Variants in ADARB2 observed in about 807,000 individuals in gnomAD.
ADARB2 encodes the protein adenosine deaminase RNA specific B2 (inactive).
In ADARB2, 25 loss-of-function variants were observed where a neutral mutation model predicts 62.2. That is an observed-to-expected ratio of 0.40 (90% CI 0.29 to 0.56). The LOEUF (loss-of-function observed/expected upper bound fraction) is 0.56. ADARB2 is among the 20% of genes least tolerant of loss of function. ADARB2 has a pLI of 0.43. For synonymous variants in ADARB2, 572 were observed against 500.8 expected (o/e 1.14, Z -1.90); for missense variants, 1,071 against 1,077.4 (o/e 0.99, Z 0.08).
chr10:1,715,385 G>A, intron 1 of ADARB2, among the ~76,000 whole-genome samples: 1 of 152,080 alleles, frequency 6.6e-6, no homozygotes, highest in East Asian at 1.9e-4. Context: ...TGAAATAAAA[G>A]TCACTAAGTG....
intron 1 of ADARB2, among the ~76,000 whole-genome samples, chr10:1,523,348 A>T (rs1343267961): frequency 6.6e-6 from 1 of 152,148 alleles, no homozygotes; most frequent in Non-Finnish European, 1.5e-5. Flanking sequence ...TCTCCACCCC[A>T]CTGTGTTACA....
At chr10:1,583,872 G>C (rs1043641017) in intron 1 of ADARB2, among the ~76,000 whole-genome samples, 1 of 152,184 alleles carries the variant, frequency 6.6e-6, no homozygotes. Context: ...CACAAATACA[G>C]GGTTAGGGTT....
chr10:1,300,752 C>T (rs1328097903), intron 3 of ADARB2, among the ~76,000 whole-genome samples: 1 of 152,228 alleles, frequency 6.6e-6, no homozygotes, highest in Non-Finnish European at 1.5e-5. Context: ...CTGCCATGCA[C>T]TGTCTGGCTG....
chr10:1,267,224 G>A (rs1831213644), intron 4 of ADARB2, among the ~76,000 whole-genome samples: 1 of 151,980 alleles, frequency 6.6e-6, no homozygotes, highest in African/African-American at 2.4e-5. Flanking sequence ...AGAAATATTG[G>A]ATAAAAGATA....
chr10:1,694,333 A>G (rs1054594323), intron 1 of ADARB2, among the ~76,000 whole-genome samples: 2 of 152,262 alleles, frequency 1.3e-5, no homozygotes, highest in Non-Finnish European at 2.9e-5. Context: ...TGTGCTATTT[A>G]GCTAATCCAT....
chr10:1,655,185 T>C (rs7907595), intron 1 of ADARB2, among the ~76,000 whole-genome samples: 144,577 of 152,274 alleles, frequency 0.95, 68,798 homozygotes, highest in South Asian at 0.99. Context: ...CCACACCCCT[T>C]GGCTGCTGAA....
intron 3 of ADARB2, among the ~76,000 whole-genome samples, chr10:1,343,918 G>A (rs1832055058): frequency 6.6e-6 from 1 of 152,088 alleles, no homozygotes; most frequent in South Asian, 2.1e-4. Flanking sequence ...CCACCTCTCG[G>A]GCACTGTGCT....
chr10:1,689,909 A>C (rs1263678772), intron 1 of ADARB2, among the ~76,000 whole-genome samples: 1 of 152,222 alleles, frequency 6.6e-6, no homozygotes, highest in Non-Finnish European at 1.5e-5. Context: ...TGAGAAATTT[A>C]AAAAATCGTA....
chr10:1,354,125 C>G (rs1022283647), intron 3 of ADARB2, among the ~76,000 whole-genome samples: 14 of 152,258 alleles, frequency 9.2e-5, no homozygotes, highest in African/African-American at 3.4e-4. Flanking sequence ...GAAACATCGC[C>G]CATTATCTCT....
At chr10:1,333,025 C>T (rs900742309) in intron 3 of ADARB2, among the ~76,000 whole-genome samples, 3 of 152,196 alleles carry the variant, frequency 2.0e-5, no homozygotes, top group African/African-American at 7.2e-5. Flanking sequence ...GTCTCCAGCC[C>T]TCTCCTGCTA....
chr10:1,186,009 T>A (rs572587974), intron 8 of ADARB2, among the ~76,000 whole-genome samples: 2 of 152,274 alleles, frequency 1.3e-5, no homozygotes, highest in East Asian at 3.9e-4. Context: ...TGCCACAAGA[T>A]GTCTGGAAAC....
At chr10:1,538,468 G>A (rs1832362574) in intron 1 of ADARB2, among the ~76,000 whole-genome samples, 1 of 152,206 alleles carries the variant, frequency 6.6e-6, no homozygotes, top group South Asian at 2.1e-4. Context: ...TCTGGTAGAC[G>A]AGAGAGAAGT....
At chr10:1,467,367 T>C (rs1227146980) in intron 1 of ADARB2, among the ~76,000 whole-genome samples, 2 of 152,186 alleles carry the variant, frequency 1.3e-5, no homozygotes, top group Admixed American at 1.3e-4. Context: ...TTTCAAGAGC[T>C]AATTAAGCCA....
At chr10:1,540,420 G>A (rs1216013420) in intron 1 of ADARB2, among the ~76,000 whole-genome samples, 1 of 151,966 alleles carries the variant, frequency 6.6e-6, no homozygotes, top group African/African-American at 2.4e-5. Context: ...GGCCTTAGAA[G>A]GTAGCACCCC....
chr10:1,562,081 C>T (rs571672498), intron 1 of ADARB2, among the ~76,000 whole-genome samples: 9 of 152,310 alleles, frequency 5.9e-5, no homozygotes, highest in South Asian at 4.1e-4. Context: ...ATTCACAGTG[C>T]GGTTCTCAGG....
At chr10:1,513,114 A>G (rs979761035) in intron 1 of ADARB2, among the ~76,000 whole-genome samples, 1 of 152,200 alleles carries the variant, frequency 6.6e-6, no homozygotes, top group East Asian at 1.9e-4. Flanking sequence ...GGTGATGGGC[A>G]TGTTGATTTG....
intron 3 of ADARB2, among the ~76,000 whole-genome samples, chr10:1,326,667 A>G (rs1355183632): frequency 6.8e-6 from 1 of 147,430 alleles, no homozygotes; most frequent in Admixed American, 6.9e-5. Flanking sequence ...TGTTAAACCC[A>G]TAGGGCTCCT....
At chr10:1,499,830 A>G (rs1188271294) in intron 1 of ADARB2, among the ~76,000 whole-genome samples, 4 of 151,684 alleles carry the variant, frequency 2.6e-5, no homozygotes, top group African/African-American at 9.7e-5. Context: ...TCATCACTTA[A>G]CACTCATTCA....
At position 1,199,664 on chromosome 10, in the gene ADARB2, G is replaced by A. The variant is rs1229206305; in HGVS notation, c.1864+302C>T. The stretch of plus-strand genomic sequence containing the variant: ...AGGTGGGCGGCCAGGTGGGCAGGTG[G>A]GGCCTCTTGGGTGAGCCCAACACTA... On this transcript the variant is annotated intron_variant, in intron 8 of 9. Coordinates refer to ENST00000381312, the MANE Select transcript of ADARB2 (RefSeq NM_018702.4). 1.9e-5 allele frequency: 6 copies of A among 321,782 alleles called. No homozygotes were observed. The East Asian group carries it at 2.9e-4, about 15-fold the overall frequency. The allele number at this position is 321,782 out of a possible 1,614,324, so 19.9% of individuals were successfully genotyped here.
Sources: gnomAD v4.1 joint callset for allele counts (sites outside exome capture counted in the v4.1 genomes callset) on GRCh38, gnomAD v4.1.1 for gene constraint, MANE v1.5 for transcripts, NCBI Gene and HGNC (gene_info 2026-07-23, HGNC 2026-07-21) for gene names.